CYP2C18: variants seen among roughly 807,000 people sequenced by gnomAD.
CYP2C18 encodes the protein cytochrome P450 family 2 subfamily C member 18, also known as cytochrome P450 2C18.
A neutral mutation model predicts 41.3 loss-of-function variants in CYP2C18; 38 were observed. The observed-to-expected ratio is 0.92, with a 90% CI of 0.71 to 1.21. The LOEUF (loss-of-function observed/expected upper bound fraction) is 1.21. Among genes scored for constraint, CYP2C18 ranks in the 50% most tolerant of loss-of-function variants. CYP2C18 has a pLI of 0.00. For synonymous variants in CYP2C18, 236 were observed against 210.0 expected (o/e 1.12, Z -1.07); for missense variants, 635 against 591.4 (o/e 1.07, Z -0.77).
In CYP2C18 at chr10:94,735,243, C is replaced by G; in HGVS notation, c.1292-20C>G. 2.5e-6 allele frequency: 4 copies of G among 1,612,140 alleles called. No individual in the cohort carries two copies. On this transcript the variant is annotated intron_variant, in intron 8 of 8. Transcript: ENST00000285979. Reference sequence around the variant, plus strand: ...GACCTAATGTTCAAGGAACAAATCCCCTATGTCTCTTATTTTCAGGAAAAC... The same window carrying G: ...GACCTAATGTTCAAGGAACAAATCCGCTATGTCTCTTATTTTCAGGAAAAC...
At chr10:94,713,473 C>G (rs942636025) in intron 5 of CYP2C18, among the ~76,000 whole-genome samples, 2 of 152,036 alleles carry the variant, frequency 1.3e-5, no homozygotes, top group African/African-American at 4.8e-5. Context: ...AGAATGATGG[C>G]TTCCAGCTTC....
Position 94,683,910 on chromosome 10 carries a change from T to A in CYP2C18, c.91T>A (p.Ser31Thr). The change falls in exon 1 of 9, where the codon TCT becomes ACT. Residue 31 changes from serine (S) to threonine (T), a missense_variant. Coordinates refer to ENST00000285979, the MANE Select transcript of CYP2C18 (RefSeq NM_000772.3). ...GAGCTCTGGAAGAGGGAGGCTCCCGTCTGGCCCCACTCCTCTCCCGATTAT... is the reference window on the plus strand; with the variant it reads ...GAGCTCTGGAAGAGGGAGGCTCCCGACTGGCCCCACTCCTCTCCCGATTAT... ...RQSSGRGRLP[S>T]GPTPLPIIGN... 6.2e-7 allele frequency: 1 copy of A among 1,611,548 alleles called. No homozygotes were observed. The highest frequency in any genetic ancestry group is 8.5e-7 in the Non-Finnish European group (1 of 1,178,838).
intron 4 of CYP2C18, among the ~76,000 whole-genome samples, chr10:94,700,273 A>C (rs1413628807): frequency 6.6e-6 from 1 of 152,232 alleles, no homozygotes; most frequent in Non-Finnish European, 1.5e-5. Flanking sequence ...CTGCTACCAA[A>C]ACAGAGATAT....
In CYP2C18 at chr10:94,706,816, T is replaced by A. The variant is rs750579234; in HGVS notation, c.675T>A (p.Tyr225Ter). ...ATAATTTCCCTGCTCTCATCGATTA[T>A]CTCCCAGGAAGTCATAATAAAATAG... ...VCNNFPALID[Y>*]LPGSHNKIAE... Residue 225 changes from tyrosine (Y) to a stop codon, truncating the protein, a stop_gained, in exon 5 of 9, where the codon TAT (tyrosine) becomes TAA (stop). Coordinates refer to ENST00000285979, the MANE Select transcript of CYP2C18 (RefSeq NM_000772.3). LOFTEE classifies it high-confidence loss of function. 1 of 1,600,976 alleles carries A rather than the reference T, an allele frequency of 6.2e-7. No homozygotes were observed. The highest frequency in any genetic ancestry group is 8.5e-7 in the Non-Finnish European group (1 of 1,171,510).
chr10:94,733,841 AC>A (rs1847875092), intron 8 of CYP2C18, among the ~76,000 whole-genome samples: 1 of 152,084 alleles, frequency 6.6e-6, no homozygotes. Flanking sequence ...CTCTGGAGAT[AC>A]AAGTATCTGA....
At chr10:94,693,172 T>G (rs1847043800) in intron 3 of CYP2C18, among the ~76,000 whole-genome samples, 1 of 152,140 alleles carries the variant, frequency 6.6e-6, no homozygotes, top group African/African-American at 2.4e-5. Context: ...TAAAAAAAAG[T>G]GTAATCCCCC....
In CYP2C18 at chr10:94,692,500, T is replaced by A. The variant is rs186729385; in HGVS notation, c.482-2417T>A. On this transcript the variant is annotated intron_variant, in intron 3 of 8. Coordinates refer to ENST00000285979, the MANE Select transcript of CYP2C18 (RefSeq NM_000772.3). ...CATCTCACACCAGTTAGAATGGCGA[T>A]CATTAAAAAGTCAGGAAGCAACAGG... Among the ~76,000 whole-genome samples, 81 of 152,188 alleles carry A rather than the reference T, an allele frequency of 5.3e-4. 1 individual carries two copies. Among genetic ancestry groups the A allele is most frequent in the East Asian group, 1.7e-3 (9 of 5,174 alleles).
At chr10:94,727,240 C>A (rs1221702569) in intron 7 of CYP2C18, among the ~76,000 whole-genome samples, 1 of 152,052 alleles carries the variant, frequency 6.6e-6, no homozygotes, top group African/African-American at 2.4e-5. Context: ...GGTGTAATTT[C>A]ATTTGGCTAA....
intron 1 of CYP2C18, among the ~76,000 whole-genome samples, chr10:94,686,739 A>G (rs1349726317): frequency 6.6e-6 from 1 of 152,220 alleles, no homozygotes; most frequent in Non-Finnish European, 1.5e-5. Flanking sequence ...ATTGTCAGAA[A>G]TAGTGGAATA....
chr10:94,713,086 G>A (rs1408695951), intron 5 of CYP2C18, among the ~76,000 whole-genome samples: 1 of 152,036 alleles, frequency 6.6e-6, no homozygotes, highest in Non-Finnish European at 1.5e-5. Flanking sequence ...GTGCATGCAT[G>A]TCTGTGTGTA....
intron 6 of CYP2C18, 144 bp from the exon 7 acceptor site, chr10:94,724,202 C>A (rs1051903074): frequency 1.3e-6 from 1 of 771,658 alleles, no homozygotes; most frequent in East Asian, 2.6e-5. Context: ...GTAGTAATTT[C>A]TTCCCTAAGT....
intron 7 of CYP2C18, chr10:94,728,732 C>A: frequency 2.9e-6 from 1 of 343,768 alleles, no homozygotes; most frequent in Non-Finnish European, 4.1e-6. Context: ...ATTCCAAATT[C>A]TCCTCACTTT....
At chr10:94,690,183 G>A (rs922059530) in intron 3 of CYP2C18, among the ~76,000 whole-genome samples, 2 of 152,080 alleles carry the variant, frequency 1.3e-5, no homozygotes, top group Admixed American at 6.6e-5. Context: ...AAAATCCTCG[G>A]TGAATTTTAA....
chr10:94,705,536 A>G (rs531401705), intron 4 of CYP2C18, among the ~76,000 whole-genome samples: 1 of 152,108 alleles, frequency 6.6e-6, no homozygotes, highest in Non-Finnish European at 1.5e-5. Flanking sequence ...AAACCCACAA[A>G]GCTTTTCTAC....
At position 94,710,803 on chromosome 10, in the gene CYP2C18, G is replaced by A. The variant is rs555174447; in HGVS notation, c.819+3843G>A. Among the ~76,000 whole-genome samples the A allele has an allele frequency of 3.3e-5, 5 of 152,208 alleles. No individual in the cohort carries two copies. The South Asian group carries it at 1.0e-3, about 32-fold the overall frequency. ...GAGAGGACTAGGTTTGTCTTACTGTGGTTGATTACATAATATTAGGCATGC... is the reference window on the plus strand; with the variant it reads ...GAGAGGACTAGGTTTGTCTTACTGTAGTTGATTACATAATATTAGGCATGC... On this transcript the variant is annotated intron_variant, in intron 5 of 8. Coordinates refer to ENST00000285979, the MANE Select transcript of CYP2C18 (RefSeq NM_000772.3).
chr10:94,716,626 G>A (rs1847549630), intron 5 of CYP2C18, among the ~76,000 whole-genome samples: 1 of 152,166 alleles, frequency 6.6e-6, no homozygotes, highest in East Asian at 1.9e-4. Flanking sequence ...TGGAATACGT[G>A]CGATATGGTG....
chr10:94,686,631 C>T (rs1488546812), intron 1 of CYP2C18, among the ~76,000 whole-genome samples: 1 of 152,188 alleles, frequency 6.6e-6, no homozygotes, highest in Non-Finnish European at 1.5e-5. Flanking sequence ...GTTATAGGAA[C>T]ATTCCTCAGC....
chr10:94,696,474 A>T (rs554364244), intron 4 of CYP2C18, among the ~76,000 whole-genome samples: 8 of 152,142 alleles, frequency 5.3e-5, no homozygotes, highest in African/African-American at 1.9e-4. Context: ...CCAAAACCCC[A>T]TCTGTACGTC....
At chr10:94,704,492 A>T (rs538334238) in intron 4 of CYP2C18, among the ~76,000 whole-genome samples, 1 of 151,870 alleles carries the variant, frequency 6.6e-6, no homozygotes, top group African/African-American at 2.4e-5. Flanking sequence ...TAGAAAAAAT[A>T]TATGTATTTA....
Sources: gnomAD v4.1 joint callset for allele counts (sites outside exome capture counted in the v4.1 genomes callset) on GRCh38, gnomAD v4.1.1 for gene constraint, MANE v1.5 for transcripts, NCBI Gene and HGNC (gene_info 2026-07-23, HGNC 2026-07-21) for gene names.